Variants in GRIK2 observed in about 807,000 individuals in gnomAD.
The protein encoded by GRIK2 is glutamate ionotropic receptor kainate type subunit 2.
Under a neutral mutation model 100.3 loss-of-function variants are expected in GRIK2, and 32 were observed. The ratio of observed to expected loss-of-function variants is 0.32; its 90% CI spans 0.24 to 0.43. GRIK2 has a LOEUF of 0.43. Among genes scored for constraint, GRIK2 ranks in the 20% least tolerant of loss-of-function variants. The pLI, the probability that GRIK2 is intolerant of heterozygous loss-of-function variation, is 1.00. For synonymous variants in GRIK2, 417 were observed against 389.4 expected (o/e 1.07, Z -0.83); for missense variants, 843 against 1,114.9 (o/e 0.76, Z 3.47).
rs780775477 is a variant in GRIK2, at chr6:101,799,636, C to A, written c.952-12C>A. ...ATATTGACTATAAATTTCCCTTTCC[C>A]TTGCTTTTCAGACTGATGCTGCTCT... is the stretch of plus-strand genomic sequence containing the variant. On this transcript the variant is annotated splice_polypyrimidine_tract_variant and intron_variant, in intron 7 of 16. Transcript: ENST00000369134. 1.9e-6 allele frequency: 3 copies of A among 1,610,816 alleles called. 1 individual carries two copies. Among genetic ancestry groups the A allele is most frequent in the Non-Finnish European group, 2.5e-6 (3 of 1,177,158 alleles).
intron 7 of GRIK2, among the ~76,000 whole-genome samples, chr6:101,776,591 C>A (rs1447401647): frequency 6.6e-6 from 1 of 152,104 alleles, no homozygotes; most frequent in Non-Finnish European, 1.5e-5. Context: ...CATACTTGTC[C>A]AAGTTTACAT....
At chr6:101,978,076 T>C (rs1793502619) in intron 14 of GRIK2, among the ~76,000 whole-genome samples, 1 of 151,946 alleles carries the variant, frequency 6.6e-6, no homozygotes, top group Admixed American at 6.6e-5. Flanking sequence ...AGGAGGTTTT[T>C]TTCTGAGCCC....
At chr6:101,659,091 G>A (rs1769410529) in intron 4 of GRIK2, among the ~76,000 whole-genome samples, 1 of 152,124 alleles carries the variant, frequency 6.6e-6, no homozygotes, top group African/African-American at 2.4e-5. Context: ...TAGACATGAA[G>A]TCTTTGCTCT....
chr6:101,639,737 A>G (rs116287508), intron 4 of GRIK2, among the ~76,000 whole-genome samples: 227 of 152,324 alleles, frequency 1.5e-3, no homozygotes, highest in African/African-American at 5.0e-3. Context: ...AACATTATCT[A>G]AGCATCTAAC....
chr6:101,991,391 G>GT (rs35883376), intron 14 of GRIK2, among the ~76,000 whole-genome samples: 97,219 of 146,326 alleles, frequency 0.66, 33,842 homozygotes, highest in South Asian at 0.79. Flanking sequence ...TATTTGCTAT[G>GT]TTTTTTTTTT....
chr6:101,615,215 G>T (rs1337858276), intron 2 of GRIK2, among the ~76,000 whole-genome samples: 1 of 151,714 alleles, frequency 6.6e-6, no homozygotes, highest in Admixed American at 6.6e-5. Context: ...CTTGGAAAAA[G>T]AATTGCGGGC....
intron 16 of GRIK2, among the ~76,000 whole-genome samples, chr6:102,056,421 C>T (rs1198707972): frequency 6.6e-6 from 1 of 151,884 alleles, no homozygotes; most frequent in Non-Finnish European, 1.5e-5. Flanking sequence ...AAATTCATTG[C>T]TCTGGATATG....
At chr6:101,847,815 C>T (rs567339097) in intron 10 of GRIK2, among the ~76,000 whole-genome samples, 8 of 152,144 alleles carry the variant, frequency 5.3e-5, no homozygotes, top group South Asian at 2.1e-4. Context: ...GGGAGCTTGT[C>T]CCAGCTCTTA....
intron 2 of GRIK2, among the ~76,000 whole-genome samples, chr6:101,476,488 A>C (rs1772236966): frequency 6.6e-6 from 1 of 152,088 alleles, no homozygotes; most frequent in South Asian, 2.1e-4. Flanking sequence ...GGAGTAATTA[A>C]AGCAAAAGGC....
intron 2 of GRIK2, among the ~76,000 whole-genome samples, chr6:101,516,960 C>T (rs1458213874): frequency 6.6e-6 from 1 of 152,098 alleles, no homozygotes; most frequent in Admixed American, 6.6e-5. Context: ...GTATTCCCAG[C>T]TAGACTTCTT....
intron 2 of GRIK2, among the ~76,000 whole-genome samples, chr6:101,549,124 G>T (rs1473183802): frequency 6.6e-6 from 1 of 152,070 alleles, no homozygotes; most frequent in Non-Finnish European, 1.5e-5. Context: ...CAAACACATG[G>T]ATCATCATGA....
chr6:101,444,107 C>T (rs554670953), intron 2 of GRIK2, among the ~76,000 whole-genome samples: 169 of 151,292 alleles, frequency 1.1e-3, no homozygotes, highest in Non-Finnish European at 2.2e-3. Flanking sequence ...GTTTTTGAGA[C>T]GGGGTCTTGC....
At chr6:102,007,239 T>C (rs1294838691) in intron 14 of GRIK2, among the ~76,000 whole-genome samples, 1 of 152,012 alleles carries the variant, frequency 6.6e-6, no homozygotes, top group Non-Finnish European at 1.5e-5. Context: ...AGTGAGAAGA[T>C]AAGAAAATAC....
At chr6:101,401,376 TCACACACACG>T (rs1209524621) in intron 2 of GRIK2, among the ~76,000 whole-genome samples, 7 of 151,908 alleles carry the variant, frequency 4.6e-5, no homozygotes, top group African/African-American at 7.3e-5. Flanking sequence ...GCTCTCTCTC[TCACACACACG>T]CACACACACG....
chr6:101,583,560 G>A (rs1778206362), intron 2 of GRIK2, among the ~76,000 whole-genome samples: 1 of 152,010 alleles, frequency 6.6e-6, no homozygotes, highest in Non-Finnish European at 1.5e-5. Context: ...CCTCAACTAT[G>A]ATGCATCAGA....
intron 7 of GRIK2, among the ~76,000 whole-genome samples, chr6:101,753,507 C>T (rs1583076503): frequency 2.6e-5 from 4 of 152,046 alleles, no homozygotes; most frequent in African/African-American, 9.6e-5. Flanking sequence ...GGAAAATGAA[C>T]TAGATACGTA....
In GRIK2 at chr6:101,560,080, T is replaced by C. The variant is rs1289528787; in HGVS notation, c.116-61869T>C. On this transcript the variant is annotated intron_variant, in intron 2 of 16. Coordinates refer to ENST00000369134, the MANE Select transcript of GRIK2 (RefSeq NM_021956.5). ...TTCGATGTGATATTAAACAAATGGT[T>C]AGGAATTAGTTTTTAGAGTAGAACT... 2.0e-5 allele frequency among the ~76,000 whole-genome samples: 3 copies of C among 152,190 alleles called. No individual in the cohort carries two copies. The East Asian group carries it at 5.8e-4, about 29-fold the overall frequency.
chr6:101,540,840 G>T (rs1306985139), intron 2 of GRIK2, among the ~76,000 whole-genome samples: 3 of 149,682 alleles, frequency 2.0e-5, no homozygotes, highest in African/African-American at 7.6e-5. Context: ...AAAGAATTAG[G>T]CTCAGAACAT....
At chr6:101,728,597 G>T (rs1050359425) in intron 7 of GRIK2, among the ~76,000 whole-genome samples, 8 of 152,082 alleles carry the variant, frequency 5.3e-5, no homozygotes, top group Admixed American at 2.0e-4. Context: ...TATACTAGCT[G>T]TGTAGTCTTG....
Sources: gnomAD v4.1 joint callset for allele counts (sites outside exome capture counted in the v4.1 genomes callset) on GRCh38, gnomAD v4.1.1 for gene constraint, MANE v1.5 for transcripts, NCBI Gene and HGNC (gene_info 2026-07-23, HGNC 2026-07-21) for gene names.